HMGB3: variants seen among roughly 807,000 people sequenced by gnomAD.
HMGB3 encodes high mobility group box 3.
Under a neutral mutation model 12.9 loss-of-function variants are expected in HMGB3, and 1 was observed. That is an observed-to-expected ratio of 0.08 (90% CI 0.03 to 0.37). The LOEUF (loss-of-function observed/expected upper bound fraction) is 0.37, where lower values mean the gene tolerates loss of function less well. HMGB3 is among the 10% of genes least tolerant of loss of function. The pLI, the probability that HMGB3 is intolerant of heterozygous loss-of-function variation, is 0.99. For synonymous variants in HMGB3, 61 were observed against 53.9 expected (o/e 1.13, Z -0.57); for missense variants, 74 against 153.3 (o/e 0.48, Z 2.73).
chrX:150,982,907 C>CGGGCAGGGGAGCTGACTGCA (rs1453831154), upstream of HMGB3, among the ~76,000 whole-genome samples: 1 of 113,141 alleles, frequency 8.8e-6, no homozygotes, highest in Non-Finnish European at 1.9e-5. Flanking sequence ...GGTGTTTCCC[C>CGGGCAGGGGAGCTGACTGCA]GGGCAGGGGA....
At chrX:150,985,443 C>T (rs1281433965) in intron 1 of HMGB3, 152 bp from the exon 2 acceptor site, 3 of 383,161 alleles carry the variant, frequency 7.8e-6, no homozygotes, top group African/African-American at 7.6e-5. Context: ...TCCTACTCTG[C>T]CTTCTGCCAC....
At chrX:150,985,525 C>T (rs781929763) in intron 1 of HMGB3, 70 bp from the exon 2 acceptor site, 169 of 869,971 alleles carry the variant, frequency 1.9e-4, no homozygotes, top group Non-Finnish European at 2.5e-4. Context: ...GCCTTTGGTA[C>T]GTCTTGTACT....
intron 4 of HMGB3, among the ~76,000 whole-genome samples, chrX:150,987,528 A>G (rs2048065624): frequency 9.0e-6 from 1 of 111,531 alleles, no homozygotes; most frequent in South Asian, 3.8e-4. Flanking sequence ...TTTAAGGAAA[A>G]AAAAATGTTA....
At chrX:150,984,673 T>C in intron 1 of HMGB3, 1 of 486,911 alleles carries the variant, frequency 2.1e-6, no homozygotes, top group Non-Finnish European at 2.5e-6. Context: ...CGAGGCGGGC[T>C]GCCTGCTGCC....
chrX:150,982,925 G>A (rs781858590), upstream of HMGB3, among the ~76,000 whole-genome samples: 1 of 113,279 alleles, frequency 8.8e-6, no homozygotes, highest in South Asian at 3.6e-4. Context: ...GGAGCTGACT[G>A]CAGGCCAGGG....
chrX:150,985,434 C>T (rs995231742), intron 1 of HMGB3, 161 bp from the exon 2 acceptor site: 1 of 373,857 alleles, frequency 2.7e-6, no homozygotes, highest in Non-Finnish European at 4.6e-6. Context: ...TGATTTCTTT[C>T]CTACTCTGCC....
At chrX:150,987,683 A>G (rs1315928548) in intron 4 of HMGB3, 94 bp from the exon 5 acceptor site, 3 of 666,348 alleles carry the variant, frequency 4.5e-6, no homozygotes, top group African/African-American at 2.2e-5. Context: ...CTTGATTTCA[A>G]TTCCTGTCCT....
At position 150,989,892 on chromosome X, in the gene HMGB3, C is replaced by G. The variant is rs1408253241; in HGVS notation, c.*1978C>G. The G allele has an allele frequency of 8.9e-6, 1 of 111,865 alleles. No homozygotes were observed. Among genetic ancestry groups the G allele is most frequent in the Non-Finnish European group, 1.9e-5 (1 of 53,225 alleles). The allele number at this position is 111,865 out of a possible 1,213,427, so 9.2% of individuals were successfully genotyped here. ...TACGAGTTATGGTCACGGTCACAGCCTGATCTCTTATGTGTTCATAGCCAT... is the reference window on the plus strand; with the variant it reads ...TACGAGTTATGGTCACGGTCACAGCGTGATCTCTTATGTGTTCATAGCCAT... On this transcript the variant is annotated 3_prime_UTR_variant, in exon 5 of 5. Coordinates refer to ENST00000325307, the MANE Select transcript of HMGB3 (RefSeq NM_005342.4).
intron 3 of HMGB3, among the ~76,000 whole-genome samples, chrX:150,986,631 A>G (rs1557425242): frequency 9.0e-6 from 1 of 111,062 alleles, no homozygotes; most frequent in Non-Finnish European, 1.9e-5. Context: ...CATATATTTT[A>G]TATATGCATA....
At chrX:150,986,640 TAC>T (rs1181433449) in intron 3 of HMGB3, among the ~76,000 whole-genome samples, 48 of 110,753 alleles carry the variant, frequency 4.3e-4, no homozygotes, top group African/African-American at 1.3e-3. Context: ...TATATATGCA[TAC>T]ACACACACAC....
rs145894303 is a variant in HMGB3, at chrX:150,987,161, C to T, written c.324C>T (p.Arg108=). ...TCTTCCTGTTCTGTTCAGAATTCCG[C>T]CCCAAGATCAAATCCACAAACCCCG... ...SGFFLFCSEF[R]PKIKSTNPGI... The change falls in exon 4 of 5, where the codon CGC becomes CGT. Residue 108 remains arginine, a synonymous_variant. Transcript: ENST00000325307. The T allele has an allele frequency of 3.3e-6, 4 of 1,206,964 alleles. No homozygotes were observed. Among genetic ancestry groups the T allele is most frequent in the African/African-American group, 3.5e-5 (2 of 57,067 alleles).
chrX:150,984,661 G>T, intron 1 of HMGB3: 3 of 559,673 alleles, frequency 5.4e-6, no homozygotes, highest in Non-Finnish European at 6.5e-6. Flanking sequence ...CGGCACGGGG[G>T]CCGAGGCGGG....
Position 150,988,590 on chromosome X carries a change from T to TTTGTTTTTAAACAAACTATAGAACTCTGC in HMGB3, c.*703_*704insGCTTGTTTTTAAACAAACTATAGAACTCT, listed in dbSNP as rs2048080008. ...TTTAAGTGCGGTAGTTTTTAAACTG[T>TTTGTTTTTAAACAAACTATAGAACTCTGC]TTGTTTTTAAACAAACTATAGAACT... On this transcript the variant is annotated 3_prime_UTR_variant, in exon 5 of 5. Coordinates refer to ENST00000325307, the MANE Select transcript of HMGB3 (RefSeq NM_005342.4). 1 of 111,837 alleles carries TTTGTTTTTAAACAAACTATAGAACTCTGC rather than the reference T, an allele frequency of 8.9e-6. No homozygotes were observed. Among genetic ancestry groups the TTTGTTTTTAAACAAACTATAGAACTCTGC allele is most frequent in the African/African-American group, 3.3e-5 (1 of 30,709 alleles). 9.2% of individuals were successfully genotyped at this position (111,837 alleles called of 1,213,427 possible). A position where few individuals can be genotyped will look rare whatever the true frequency, so the allele number is the denominator to read the frequency against.
chrX:150,983,769 C>T (rs1466284823), intron 1 of HMGB3, among the ~76,000 whole-genome samples: 2 of 107,146 alleles, frequency 1.9e-5, no homozygotes, highest in African/African-American at 6.6e-5. Context: ...CGGCTGCGGG[C>T]TGTGGGCGCT....
chrX:150,985,583 C>T lies in HMGB3; in HGVS notation c.-5-12C>T, dbSNP rs1557425211. The T allele has an allele frequency of 6.0e-6, 7 of 1,162,348 alleles. No individual in the cohort carries two copies. The highest frequency in any genetic ancestry group is 5.8e-5 in the South Asian group (3 of 51,457). The stretch of plus-strand genomic sequence containing the variant: ...TTCCTCATTGTATTTCTTTGTTTCT[C>T]TTTTATCACAGTCAGGATGGCTAAA... On this transcript the variant is annotated splice_polypyrimidine_tract_variant and intron_variant, in intron 1 of 4. Transcript: ENST00000325307.
intron 1 of HMGB3, among the ~76,000 whole-genome samples, chrX:150,984,047 G>GCGC (rs1239172155): frequency 2.5e-4 from 25 of 99,732 alleles, no homozygotes; most frequent in Admixed American, 1.0e-4. Context: ...CGCCCGCCCG[G>GCGC]CGCCGCCGCC....
chrX:150,983,327 G>C, upstream of HMGB3: 2 of 755,755 alleles, frequency 2.6e-6, no homozygotes, highest in Non-Finnish European at 3.1e-6. Context: ...GCTGGGGAGC[G>C]CTGAGCCGCG....
At chrX:150,983,807 G>C (rs2124443464) in intron 1 of HMGB3, among the ~76,000 whole-genome samples, 1 of 106,609 alleles carries the variant, frequency 9.4e-6, no homozygotes, top group East Asian at 3.1e-4. Context: ...AGGGGGCCGG[G>C]AGTTCCCCGG....
upstream of HMGB3, among the ~76,000 whole-genome samples, chrX:150,981,350 G>A (rs1370295031): frequency 9.3e-6 from 1 of 107,508 alleles, no homozygotes; most frequent in Non-Finnish European, 1.9e-5. Context: ...CACTAAGCTG[G>A]TTCTAACAGG....
Sources: gnomAD v4.1 joint callset for allele counts (sites outside exome capture counted in the v4.1 genomes callset) on GRCh38, gnomAD v4.1.1 for gene constraint, MANE v1.5 for transcripts, NCBI Gene and HGNC (gene_info 2026-07-23, HGNC 2026-07-21) for gene names.